BICC1: variants seen among roughly 807,000 people sequenced by gnomAD.
The protein encoded by BICC1 is BicC family RNA binding protein 1, also known as protein bicaudal C homolog 1.
In BICC1, 43 loss-of-function variants were observed where a neutral mutation model predicts 111.0. The observed-to-expected ratio is 0.39, with a 90% CI of 0.30 to 0.50. BICC1 has a LOEUF of 0.50. BICC1 is among the 20% of genes least tolerant of loss of function. The pLI is 0.88. For missense variants in BICC1, 1,091 were observed against 1,203.2 expected (o/e 0.91, Z 1.38); for synonymous variants, 467 against 434.4 (o/e 1.07, Z -0.93).
Position 58,828,810 on chromosome 10 carries a change from C to G in BICC1, c.2844C>G (p.Thr948=), listed in dbSNP as rs1000478323. The change falls in exon 21 of 21, where the codon ACC becomes ACG. Residue 948 remains threonine (T), a synonymous_variant. Transcript: ENST00000373886. The stretch of plus-strand genomic sequence containing the variant: ...TTTTTGAATCGCCAAATGCACGCAC[C>G]TCTTTCCTGGAAGGTGGAGCGAGTG... ...RKLFESPNAR[T]SFLEGGASGR... is the part of the protein sequence containing the mutation. 5 of 1,613,788 alleles carry G rather than the reference C, an allele frequency of 3.1e-6. No individual in the cohort carries two copies. The highest frequency in any genetic ancestry group is 4.2e-6 in the Non-Finnish European group (5 of 1,179,878).
intron 3 of BICC1, among the ~76,000 whole-genome samples, chr10:58,708,873 G>A (rs916997458): frequency 3.3e-5 from 5 of 152,276 alleles, no homozygotes; most frequent in East Asian, 1.9e-4. Flanking sequence ...TTTGCAGCTC[G>A]ATTTTACTGG....
intron 8 of BICC1, among the ~76,000 whole-genome samples, 196 bp from the exon 9 acceptor site, chr10:58,793,288 A>G (rs898381973): frequency 1.3e-5 from 2 of 152,186 alleles, no homozygotes; most frequent in Non-Finnish European, 2.9e-5. Context: ...TCGTCATCCA[A>G]AAATGGTTTT....
chr10:58,569,127 G>A (rs1035900578), intron 1 of BICC1, among the ~76,000 whole-genome samples: 1 of 152,178 alleles, frequency 6.6e-6, no homozygotes, highest in Admixed American at 6.5e-5. Context: ...TAGAAATGCT[G>A]TTCATGTATG....
Position 58,813,874 on chromosome 10 carries a change from G to A in BICC1, c.2421G>A (p.Leu807=). The change falls in exon 18 of 21, where the codon TTG becomes TTA. Residue 807 remains leucine (L), a synonymous_variant. Transcript: ENST00000373886. ...SLSRSNSREH[L]GGGSESDNWR... is the part of the protein sequence containing the mutation. Reference sequence around the variant, plus strand: ...CACGGTCCAACAGTCGTGAGCACTTGGGAGGTGGAAGCGAATCTGATAACT... The same window carrying A: ...CACGGTCCAACAGTCGTGAGCACTTAGGAGGTGGAAGCGAATCTGATAACT... 6.2e-7 allele frequency: 1 copy of A among 1,613,968 alleles called. No individual in the cohort carries two copies. The highest frequency in any genetic ancestry group is 8.5e-7 in the Non-Finnish European group (1 of 1,179,894).
rs569375819 is a variant in BICC1 at position 58,745,684 on chromosome 10, T to G, written c.308-39317T>G. ...TTCTGTAGTCACATCTCTCTCTGCT[T>G]CTTCTGCCTCCCTCTTCCACCTTTA... On this transcript the variant is annotated intron_variant, in intron 3 of 20. Coordinates refer to ENST00000373886, the MANE Select transcript of BICC1 (RefSeq NM_001080512.3). Among the ~76,000 whole-genome samples the G allele has an allele frequency of 2.7e-5, 4 of 147,756 alleles. No homozygotes were observed. The East Asian group carries it at 8.4e-4, about 31-fold the overall frequency.
At chr10:58,800,058 T>C (rs567274780) in intron 12 of BICC1, 136 bp from the exon 13 acceptor site, 6 of 621,974 alleles carry the variant, frequency 9.6e-6, no homozygotes, top group East Asian at 2.8e-5. Flanking sequence ...CTTGTAGATA[T>C]ATTTCATCTC....
chr10:58,806,507 T>G (rs992839449), intron 15 of BICC1, 77 bp from the exon 16 acceptor site: 26 of 1,331,762 alleles, frequency 2.0e-5, no homozygotes, highest in Non-Finnish European at 1.9e-5. Flanking sequence ...AGTCAAAACC[T>G]TTGTTCTCTA....
intron 2 of BICC1, among the ~76,000 whole-genome samples, chr10:58,694,761 G>A (rs1205854525): frequency 6.6e-6 from 1 of 152,102 alleles, no homozygotes; most frequent in Non-Finnish European, 1.5e-5. Context: ...GAACCATTTG[G>A]GGGCTATCTC....
At chr10:58,814,169 T>G in intron 18 of BICC1, 183 bp downstream of exon 18, 1 of 710,330 alleles carries the variant, frequency 1.4e-6, no homozygotes. Flanking sequence ...CTCTTTCCTC[T>G]CACTCCATTT....
chr10:58,787,947 A>T (rs1023369972), intron 5 of BICC1, among the ~76,000 whole-genome samples: 2 of 152,124 alleles, frequency 1.3e-5, no homozygotes, highest in Non-Finnish European at 2.9e-5. Flanking sequence ...TGTTGGAGCA[A>T]TGATTGTGTA....
At chr10:58,522,764 A>G (rs1467760143) in intron 1 of BICC1, among the ~76,000 whole-genome samples, 1 of 152,190 alleles carries the variant, frequency 6.6e-6, no homozygotes, top group Non-Finnish European at 1.5e-5. Context: ...TGAATCCAGG[A>G]GCTGGTTTTT....
intron 3 of BICC1, among the ~76,000 whole-genome samples, chr10:58,708,149 AT>A (rs1225115993): frequency 0.034 from 2,341 of 69,844 alleles, 97 homozygotes; most frequent in African/African-American, 0.12. Context: ...TAGCCAGCCA[AT>A]TTTTTTTTTT....
At chr10:58,765,168 C>T (rs1195900035) in intron 3 of BICC1, among the ~76,000 whole-genome samples, 4 of 152,054 alleles carry the variant, frequency 2.6e-5, no homozygotes, top group Admixed American at 6.5e-5. Context: ...CTGCAACCTC[C>T]GCCTCTCCGT....
chr10:58,790,758 G>C (rs537777722), intron 8 of BICC1, among the ~76,000 whole-genome samples: 17 of 152,224 alleles, frequency 1.1e-4, no homozygotes, highest in Admixed American at 3.3e-4. Flanking sequence ...CCAGAAAGCA[G>C]AGGTTGCAGT....
At chr10:58,669,649 G>A (rs1294915329) in intron 2 of BICC1, among the ~76,000 whole-genome samples, 1 of 152,132 alleles carries the variant, frequency 6.6e-6, no homozygotes, top group African/African-American at 2.4e-5. Context: ...TGAGATGCCA[G>A]TGATAGTTAT....
chr10:58,580,505 A>G (rs1258359722), intron 1 of BICC1, among the ~76,000 whole-genome samples: 1 of 152,208 alleles, frequency 6.6e-6, no homozygotes, highest in African/African-American at 2.4e-5. Flanking sequence ...AATAATGCAG[A>G]TATTCCAAAA....
At chr10:58,608,063 A>G (rs1391796679) in intron 1 of BICC1, among the ~76,000 whole-genome samples, 1 of 152,214 alleles carries the variant, frequency 6.6e-6, no homozygotes, top group Non-Finnish European at 1.5e-5. Flanking sequence ...GACATTTCCT[A>G]AAAGAAACAA....
intron 1 of BICC1, among the ~76,000 whole-genome samples, chr10:58,566,570 G>A (rs556178567): frequency 6.6e-6 from 1 of 152,050 alleles, no homozygotes; most frequent in Non-Finnish European, 1.5e-5. Context: ...GGTCTTTAAG[G>A]AAACCACACT....
chr10:58,742,684 C>T (rs1282231207), intron 3 of BICC1, among the ~76,000 whole-genome samples: 1 of 151,980 alleles, frequency 6.6e-6, no homozygotes, highest in East Asian at 1.9e-4. Flanking sequence ...GTGATCTGCC[C>T]ACCTCAGCCT....
Sources: allele counts gnomAD v4.1 joint callset (sites outside exome capture counted in the v4.1 genomes callset), GRCh38; gene constraint gnomAD v4.1.1; transcripts MANE v1.5; gene names NCBI Gene and HGNC (gene_info 2026-07-23, HGNC 2026-07-21).